Variants in PLCB4 observed in about 807,000 individuals in gnomAD.
The protein encoded by PLCB4 is 1-phosphatidylinositol 4,5-bisphosphate phosphodiesterase beta-4.
In PLCB4, 77 loss-of-function variants were observed where a neutral mutation model predicts 178.8. The ratio of observed to expected loss-of-function variants is 0.43; its 90% confidence interval spans 0.36 to 0.52. The LOEUF is 0.52. Among genes scored for constraint, PLCB4 ranks in the 20% least tolerant of loss-of-function variants. The pLI is 0.00. For missense variants in PLCB4, 1,024 were observed against 1,453.4 expected (o/e 0.70, Z 4.80); for synonymous variants, 496 against 490.8 (o/e 1.01, Z -0.14).
rs777921392 is a variant in PLCB4, at chr20:9,237,758, G to A, written c.-16+20306G>A. On this transcript the variant is annotated intron_variant, in intron 3 of 39. Coordinates refer to ENST00000378473, the MANE Select transcript of PLCB4 (RefSeq NM_001377142.1). ...TGAAATGCTGAACTAAACACAGTTA[G>A]ACACTTTTCTTTACCATGACATTCT... Among the ~76,000 whole-genome samples the A allele has an allele frequency of 1.1e-4, 17 of 152,244 alleles. 1 individual carries two copies. Among genetic ancestry groups the A allele is most frequent in the Admixed American group, 1.0e-3 (16 of 15,278 alleles).
intron 37 of PLCB4, 95 bp from the exon 38 acceptor site, chr20:9,473,184 C>G (rs1269755672): frequency 1.5e-6 from 1 of 686,966 alleles, no homozygotes; most frequent in Non-Finnish European, 2.4e-6. Flanking sequence ...TTATCTCTTT[C>G]ACTTAAATTA....
intron 3 of PLCB4, among the ~76,000 whole-genome samples, chr20:9,226,896 T>G (rs1212100308): frequency 6.6e-6 from 1 of 152,192 alleles, no homozygotes; most frequent in African/African-American, 2.4e-5. Context: ...CTGTGGATTC[T>G]AATCATTTTA....
At chr20:9,471,542 G>A (rs1321526918) in intron 36 of PLCB4, among the ~76,000 whole-genome samples, 1 of 152,090 alleles carries the variant, frequency 6.6e-6, no homozygotes, top group Non-Finnish European at 1.5e-5. Flanking sequence ...GTGGAGAATT[G>A]CTTTGAAAAA....
chr20:9,144,772 TGAGGGGGAG>T (rs1183556400), intron 2 of PLCB4, among the ~76,000 whole-genome samples: 7 of 35,948 alleles, frequency 1.9e-4, no homozygotes, highest in Admixed American at 3.7e-4. Flanking sequence ...AGGAGGGGAA[TGAGGGGGAG>T]GAGGGGTAGG....
chr20:9,106,781 A>T (rs1376418636), intron 2 of PLCB4, among the ~76,000 whole-genome samples: 1 of 152,118 alleles, frequency 6.6e-6, no homozygotes, highest in East Asian at 1.9e-4. Flanking sequence ...TATGTATAAG[A>T]TTTTAAATGT....
At chr20:9,183,194 C>G (rs774873258) in intron 2 of PLCB4, among the ~76,000 whole-genome samples, 2 of 152,112 alleles carry the variant, frequency 1.3e-5, no homozygotes, top group Non-Finnish European at 2.9e-5. Context: ...CTGGGGCTCA[C>G]CTATCTCGTG....
At chr20:9,475,974 T>C (rs2044513658) in intron 38 of PLCB4, among the ~76,000 whole-genome samples, 1 of 152,206 alleles carries the variant, frequency 6.6e-6, no homozygotes, top group African/African-American at 2.4e-5. Flanking sequence ...AGACATTTTT[T>C]CTAAGCCAGA....
At chr20:9,387,695 A>G in intron 15 of PLCB4, 139 bp downstream of exon 15, 1 of 502,842 alleles carries the variant, frequency 2.0e-6, no homozygotes, top group South Asian at 3.8e-5. Flanking sequence ...CTTGAGGAAA[A>G]AGTCAAGACA....
chr20:9,330,065 C>G (rs1265065587), intron 4 of PLCB4, among the ~76,000 whole-genome samples: 1 of 152,080 alleles, frequency 6.6e-6, no homozygotes, highest in African/African-American at 2.4e-5. Context: ...AAAGGATCTG[C>G]TAGGTATGAA....
At chr20:9,247,757 C>A (rs1211650480) in intron 3 of PLCB4, among the ~76,000 whole-genome samples, 2 of 152,094 alleles carry the variant, frequency 1.3e-5, no homozygotes, top group Admixed American at 1.3e-4. Flanking sequence ...TCCTGGAGGT[C>A]CTGAGGAGGC....
intron 3 of PLCB4, among the ~76,000 whole-genome samples, chr20:9,268,881 T>A (rs1019814171): frequency 6.6e-6 from 1 of 152,222 alleles, no homozygotes; most frequent in African/African-American, 2.4e-5. Context: ...AGAAGGTATT[T>A]TTAGCTACAC....
intron 1 of PLCB4, among the ~76,000 whole-genome samples, chr20:9,075,927 T>A (rs1379097908): frequency 1.3e-5 from 2 of 152,240 alleles, no homozygotes; most frequent in Non-Finnish European, 2.9e-5. Context: ...TAGCTGTAAG[T>A]GCTTGGAAAC....
At chr20:9,428,687 C>T (rs1015220606) in intron 28 of PLCB4, among the ~76,000 whole-genome samples, 7 of 151,992 alleles carry the variant, frequency 4.6e-5, no homozygotes, top group African/African-American at 7.3e-5. Context: ...GATTTTTCTT[C>T]TGCCTGTACC....
At chr20:9,254,295 T>C (rs2094211175) in intron 3 of PLCB4, among the ~76,000 whole-genome samples, 1 of 152,206 alleles carries the variant, frequency 6.6e-6, no homozygotes, top group Admixed American at 6.5e-5. Context: ...TCAGCTTACA[T>C]TTGAAAATGA....
intron 3 of PLCB4, among the ~76,000 whole-genome samples, chr20:9,254,416 C>T (rs1046562756): frequency 5.3e-5 from 8 of 152,222 alleles, no homozygotes; most frequent in Non-Finnish European, 7.4e-5. Context: ...TTGTCTTGGC[C>T]GGGCGTGGTG....
In PLCB4 at chr20:9,073,079, G is replaced by A. The variant is rs533879890; in HGVS notation, c.-135+3873G>A. On this transcript the variant is annotated intron_variant, in intron 1 of 39. Coordinates refer to ENST00000378473, the MANE Select transcript of PLCB4 (RefSeq NM_001377142.1). ...CTAGGGCTGGGAAATTCCACCTCTA[G>A]CTACGGAAATACCCTTGGGCCAGGC... is the stretch of plus-strand genomic sequence containing the variant. 2.6e-5 allele frequency among the ~76,000 whole-genome samples: 4 copies of A among 152,244 alleles called. No individual in the cohort carries two copies. The East Asian group carries it at 7.7e-4, about 29-fold the overall frequency.
At chr20:9,362,491 C>A (rs1487454147) in intron 7 of PLCB4, among the ~76,000 whole-genome samples, 1 of 152,134 alleles carries the variant, frequency 6.6e-6, no homozygotes, top group Non-Finnish European at 1.5e-5. Context: ...AATTGATGAA[C>A]CCCTATTCAT....
intron 2 of PLCB4, among the ~76,000 whole-genome samples, chr20:9,160,301 T>A (rs756206868): frequency 1.3e-5 from 2 of 152,104 alleles, no homozygotes; most frequent in Non-Finnish European, 2.9e-5. Context: ...GTGTCCTGGC[T>A]TGGGGAAAAG....
chr20:9,395,891 G>A (rs2038545215), intron 19 of PLCB4, among the ~76,000 whole-genome samples: 1 of 152,146 alleles, frequency 6.6e-6, no homozygotes, highest in Admixed American at 6.6e-5. Context: ...AGGATCCCTT[G>A]AGCCCAGAGG....
Sources: allele counts gnomAD v4.1 joint callset (sites outside exome capture counted in the v4.1 genomes callset), GRCh38; gene constraint gnomAD v4.1.1; transcripts MANE v1.5; gene names NCBI Gene and HGNC (gene_info 2026-07-23, HGNC 2026-07-21).